The following PARVA variants were observed in gnomAD, a reference collection of about 807,000 sequenced individuals.
PARVA encodes parvin alpha, also known as alpha-parvin.
A neutral mutation model predicts 52.6 loss-of-function variants in PARVA; 25 were observed. The ratio of observed to expected loss-of-function variants is 0.48; its 90% CI spans 0.35 to 0.66. The LOEUF (loss-of-function observed/expected upper bound fraction) is 0.66. Among genes scored for constraint, PARVA ranks in the 30% least tolerant of loss-of-function variants. The probability of loss-of-function intolerance (pLI) is 0.01; values close to 1 mark genes in which losing one functional copy is unlikely to be tolerated. For missense variants in PARVA, 373 were observed against 450.9 expected, an observed-to-expected ratio of 0.83 and a Z score of 1.56; for synonymous variants, 185 against 179.1, an observed-to-expected ratio of 1.03 and a Z score of -0.26.
At chr11:12,468,379 C>T (rs1940883979) in intron 1 of PARVA, among the ~76,000 whole-genome samples, 1 of 152,222 alleles carries the variant, frequency 6.6e-6, no homozygotes, top group Non-Finnish European at 1.5e-5. Context: ...TCTGTCTATT[C>T]TCTCCATGTT....
chr11:12,513,236 A>C lies in PARVA; in HGVS notation c.737-63A>C. 5 of 1,482,964 alleles carry C rather than the reference A, an allele frequency of 3.4e-6. No homozygotes were observed. In the South Asian group the frequency reaches 5.6e-5, roughly 17 times the overall value. 91.9% of individuals were successfully genotyped at this position (1,482,964 alleles called of 1,614,324 possible). The stretch of plus-strand genomic sequence containing the variant: ...TGAGAGGCGCGTGGCTCTGGGACCC[A>C]AGGTGGGCTTCCCTGCCAGGGATCA... On this transcript the variant is annotated intron_variant, in intron 8 of 12. Coordinates refer to ENST00000334956, the MANE Select transcript of PARVA (RefSeq NM_018222.5).
chr11:12,386,000 G>C (rs1398855721), intron 1 of PARVA, among the ~76,000 whole-genome samples: 4 of 152,130 alleles, frequency 2.6e-5, no homozygotes, highest in African/African-American at 9.7e-5. Flanking sequence ...CTTTAATTCA[G>C]CCTTCACAAG....
intron 5 of PARVA, among the ~76,000 whole-genome samples, chr11:12,502,404 A>G (rs1221668465): frequency 6.9e-6 from 1 of 144,262 alleles, no homozygotes; most frequent in Non-Finnish European, 1.6e-5. Context: ...AGTACACAAA[A>G]TAGGCATTTT....
At chr11:12,506,930 G>A (rs1231301975) in intron 6 of PARVA, among the ~76,000 whole-genome samples, 3 of 152,142 alleles carry the variant, frequency 2.0e-5, no homozygotes, top group African/African-American at 7.2e-5. Context: ...GAGGTTTTAC[G>A]TCTATGAATG....
At chr11:12,435,677 AG>A (rs1940377735) in intron 1 of PARVA, among the ~76,000 whole-genome samples, 1 of 152,210 alleles carries the variant, frequency 6.6e-6, no homozygotes, top group South Asian at 2.1e-4. Context: ...TGGGCTGTGC[AG>A]TGGAAACAGT....
At chr11:12,509,028 G>A (rs1941469969) in intron 7 of PARVA, among the ~76,000 whole-genome samples, 1 of 150,870 alleles carries the variant, frequency 6.6e-6, no homozygotes, top group Non-Finnish European at 1.5e-5. Context: ...CATGTGCCAT[G>A]ACCCAGAAAG....
At chr11:12,466,729 T>C (rs961412520) in intron 1 of PARVA, among the ~76,000 whole-genome samples, 11 of 152,022 alleles carry the variant, frequency 7.2e-5, no homozygotes, top group Non-Finnish European at 2.9e-5. Flanking sequence ...TTTTTTTTTC[T>C]AGAAGTTTTA....
intron 5 of PARVA, among the ~76,000 whole-genome samples, chr11:12,497,850 G>C (rs145244829): frequency 6.6e-6 from 1 of 152,092 alleles, no homozygotes; most frequent in South Asian, 2.1e-4. Flanking sequence ...ATCCACAATA[G>C]TCATAAACAT....
In PARVA at chr11:12,377,700, A is replaced by G. The variant is rs375770268; in HGVS notation, c.53A>G (p.Lys18Arg). 38 of 1,566,784 alleles carry G rather than the reference A, an allele frequency of 2.4e-5. No individual in the cohort carries two copies. The Middle Eastern group carries it at 6.7e-4, about 28-fold the overall frequency. ...TCTGTCCCCAAGTCTCCCACTCCCA[A>G]GTCGCCCCCGTCCCGCAAGAAAGAT... Reference protein sequence around the residue: ...SPSVPKSPTPKSPPSRKKDDS... With the variant: ...SPSVPKSPTPRSPPSRKKDDS... Residue 18 changes from lysine to arginine, a missense_variant, in exon 1 of 13, where the codon AAG becomes AGG. Physicochemically the swap from Lys to Arg is conservative, Grantham distance 26 (BLOSUM62 2). Transcript: ENST00000334956.
intron 1 of PARVA, among the ~76,000 whole-genome samples, chr11:12,381,976 T>A (rs1380526025): frequency 1.3e-5 from 2 of 152,208 alleles, no homozygotes; most frequent in Non-Finnish European, 2.9e-5. Context: ...TCACTAAGCA[T>A]GAAAAATATG....
chr11:12,467,506 G>GTAC (rs1277444168), intron 1 of PARVA, among the ~76,000 whole-genome samples: 1 of 152,150 alleles, frequency 6.6e-6, no homozygotes, highest in Non-Finnish European at 1.5e-5. Context: ...TTAGGCTGTA[G>GTAC]GGTTTAATTT....
intron 1 of PARVA, among the ~76,000 whole-genome samples, chr11:12,458,079 G>C (rs1940721839): frequency 6.6e-6 from 1 of 152,198 alleles, no homozygotes; most frequent in Non-Finnish European, 1.5e-5. Flanking sequence ...AAGACTGGGA[G>C]GAAAGGAATG....
chr11:12,452,355 G>C (rs115170583), intron 1 of PARVA, among the ~76,000 whole-genome samples: 1 of 152,096 alleles, frequency 6.6e-6, no homozygotes, highest in Admixed American at 6.5e-5. Flanking sequence ...CCTGTGGGGA[G>C]AGCCTGTCCT....
intron 1 of PARVA, among the ~76,000 whole-genome samples, chr11:12,444,826 A>G (rs1940522990): frequency 6.6e-6 from 1 of 152,220 alleles, no homozygotes; most frequent in Non-Finnish European, 1.5e-5. Context: ...AAAAGAAAGC[A>G]GCTAGGACAG....
chr11:12,465,351 G>A (rs1056663561), intron 1 of PARVA, among the ~76,000 whole-genome samples: 3 of 152,146 alleles, frequency 2.0e-5, no homozygotes, highest in Admixed American at 2.0e-4. Context: ...CCTGCAACCT[G>A]GGACATCTTA....
At chr11:12,527,248 C>G (rs368290541) in intron 12 of PARVA, among the ~76,000 whole-genome samples, 2 of 145,922 alleles carry the variant, frequency 1.4e-5, no homozygotes, top group South Asian at 4.4e-4. Flanking sequence ...TCCGGGGGCA[C>G]GGAAGAAGGG....
At chr11:12,455,693 T>TA (rs1167282283) in intron 1 of PARVA, among the ~76,000 whole-genome samples, 1 of 152,204 alleles carries the variant, frequency 6.6e-6, no homozygotes, top group Non-Finnish European at 1.5e-5. Context: ...TTTTAGTGGG[T>TA]AATAGCATTC....
intron 1 of PARVA, among the ~76,000 whole-genome samples, chr11:12,451,719 A>G (rs1378360593): frequency 6.6e-6 from 1 of 152,294 alleles, no homozygotes; most frequent in Non-Finnish European, 1.5e-5. Context: ...TGATAAATTC[A>G]TTTACAAAGT....
chr11:12,446,115 G>A (rs1247017727), intron 1 of PARVA, among the ~76,000 whole-genome samples: 4 of 152,012 alleles, frequency 2.6e-5, no homozygotes, highest in Non-Finnish European at 5.9e-5. Flanking sequence ...GCAACAGATT[G>A]GGGAAATAAT....
Sources: allele counts gnomAD v4.1 joint callset (sites outside exome capture counted in the v4.1 genomes callset), GRCh38; gene constraint gnomAD v4.1.1; transcripts MANE v1.5; gene names NCBI Gene and HGNC (gene_info 2026-07-23, HGNC 2026-07-21).